The following NAB1 variants were observed in gnomAD, a reference collection of about 807,000 sequenced individuals.
NAB1 encodes NGFI-A binding protein 1, also known as NGFI-A-binding protein 1.
In NAB1, 25 loss-of-function variants were observed where a neutral mutation model predicts 49.9. That is an observed-to-expected ratio of 0.50 (90% confidence interval 0.37 to 0.70). The LOEUF is 0.70. Ranked by LOEUF, NAB1 falls within the 30% of genes least tolerant of loss-of-function variation. NAB1 has a pLI of 0.00. For missense variants in NAB1, 489 were observed against 575.9 expected, an observed-to-expected ratio of 0.85 and a Z score of 1.54; for synonymous variants, 198 against 215.6, an observed-to-expected ratio of 0.92 and a Z score of 0.71.
chr2:190,692,380 A>ACTAT lies in NAB1; in HGVS notation c.*2050_*2053dup, dbSNP rs1457306160. ...TTTAAATTCATAATAAGTTTCCTTA[A>ACTAT]CTATCTTATGTTTCTAGTCTTTCAA... On this transcript the variant is annotated 3_prime_UTR_variant, in exon 10 of 10. Transcript: ENST00000337386. This position sits in a 1 kb window ranked among gnomAD's most constrained non-coding sequence, Gnocchi z 5.2. 1 of 152,626 alleles carries ACTAT rather than the reference A, an allele frequency of 6.6e-6. No individual in the cohort carries two copies. The highest frequency in any genetic ancestry group is 6.5e-5 in the Admixed American group (1 of 15,272). 9.5% of individuals were successfully genotyped at this position (152,626 alleles called of 1,614,324 possible). A position where few individuals can be genotyped will look rare whatever the true frequency, so the allele number is the denominator to read the frequency against.
chr2:190,689,401 C>T lies in NAB1; in HGVS notation c.1376-844C>T, dbSNP rs79002095. On this transcript the variant is annotated intron_variant, in intron 9 of 9. Coordinates refer to ENST00000337386, the MANE Select transcript of NAB1 (RefSeq NM_005966.4). The surrounding 1 kb of genome is among the most constrained non-coding windows in gnomAD (Gnocchi z 4.3). Reference sequence around the variant, plus strand: ...GCTACTTTTTTTTACTACTCTTACGCGGAACTTAAAATCCCCTTCTGTTTA... The same window carrying T: ...GCTACTTTTTTTTACTACTCTTACGTGGAACTTAAAATCCCCTTCTGTTTA... Among the ~76,000 whole-genome samples, 1,122 of 152,196 alleles carry T rather than the reference C, an allele frequency of 7.4e-3. 37 individuals carry two copies. The highest frequency in any genetic ancestry group is 0.048 in the Admixed American group (741 of 15,286).
intron 4 of NAB1, among the ~76,000 whole-genome samples, chr2:190,661,674 T>C (rs1328310175): frequency 6.6e-6 from 1 of 152,208 alleles, no homozygotes; most frequent in Non-Finnish European, 1.5e-5. Flanking sequence ...GTACATATGA[T>C]ATTTAAGTGA....
At chr2:190,650,893 G>A (rs969166067) in intron 2 of NAB1, among the ~76,000 whole-genome samples, 9 of 152,114 alleles carry the variant, frequency 5.9e-5, no homozygotes, top group South Asian at 2.1e-4. Flanking sequence ...CCCTGATTTG[G>A]GTATTAGATA....
In NAB1 at chr2:190,652,949, G is replaced by A. The variant is rs1239882815; in HGVS notation, c.-197+2967G>A. 6.6e-6 allele frequency among the ~76,000 whole-genome samples: 1 copy of A among 152,194 alleles called. No individual in the cohort carries two copies. Among genetic ancestry groups the A allele is most frequent in the African/African-American group, 2.4e-5 (1 of 41,438 alleles). ...CCTGTGGTTGCATGCAGCCCAGGAG[G>A]GCTTTGAATACGGCCCAACACAAAT... On this transcript the variant is annotated intron_variant, in intron 2 of 9. Transcript: ENST00000337386. The surrounding 1 kb of genome is among the most constrained non-coding windows in gnomAD (Gnocchi z 4.2).
intron 4 of NAB1, among the ~76,000 whole-genome samples, chr2:190,664,470 G>A (rs1694388461): frequency 1.3e-5 from 2 of 150,878 alleles, no homozygotes; most frequent in South Asian, 4.2e-4. Flanking sequence ...AGCCTCCTGG[G>A]TAGCTGGGAC....
At chr2:190,664,586 C>CTTTTTTTTTTTTTTTTTTTTTTT (rs71027237) in intron 4 of NAB1, among the ~76,000 whole-genome samples, 1 of 61,092 alleles carries the variant, frequency 1.6e-5, no homozygotes, top group Non-Finnish European at 2.8e-5. Context: ...TTCTTCTTTC[C>CTTTTTTTTTTTTTTTTTTTTTTT]TTTTTTTTTT....
chr2:190,687,157 G>A (rs752590749), intron 8 of NAB1, 44 bp from the exon 9 acceptor site: 3 of 1,241,902 alleles, frequency 2.4e-6, no homozygotes, highest in Non-Finnish European at 3.3e-6. Flanking sequence ...AAAAACCATG[G>A]TATGTTTTTA....
Position 190,682,101 on chromosome 2 carries a change from C to A in NAB1, c.1006-1637C>A, listed in dbSNP as rs1396873909. The stretch of plus-strand genomic sequence containing the variant: ...GCAATAAACAGTCAAAAAAAGAAAA[C>A]CTTGAAAAAAGTAGGTGGAATACCA... On this transcript the variant is annotated intron_variant, in intron 6 of 9. Coordinates refer to ENST00000337386, the MANE Select transcript of NAB1 (RefSeq NM_005966.4). The surrounding 1 kb of genome is among the most constrained non-coding windows in gnomAD (Gnocchi z 4.1). 2.0e-5 allele frequency among the ~76,000 whole-genome samples: 3 copies of A among 151,886 alleles called. No homozygotes were observed. Among genetic ancestry groups the A allele is most frequent in the African/African-American group, 4.8e-5 (2 of 41,344 alleles).
At chr2:190,665,346 T>C (rs1379465383) in intron 4 of NAB1, among the ~76,000 whole-genome samples, 41 of 151,608 alleles carry the variant, frequency 2.7e-4, no homozygotes, top group Admixed American at 2.7e-3. Context: ...AAGTTAGTGG[T>C]TATTCTGCTA....
chr2:190,684,020 C>T lies in NAB1; in HGVS notation c.1095+193C>T, dbSNP rs531190721. Among the ~76,000 whole-genome samples, 30 of 152,234 alleles carry T rather than the reference C, an allele frequency of 2.0e-4. No homozygotes were observed. Among genetic ancestry groups the T allele is most frequent in the African/African-American group, 6.3e-4 (26 of 41,536 alleles). ...AACTTGGTTTGATTCAGTTTATGAA[C>T]GGAATCTGATATGGTGCTACTTATT... is the stretch of plus-strand genomic sequence containing the variant. On this transcript the variant is annotated intron_variant, in intron 7 of 9. Coordinates refer to ENST00000337386, the MANE Select transcript of NAB1 (RefSeq NM_005966.4). This position sits in a 1 kb window ranked among gnomAD's most constrained non-coding sequence, Gnocchi z 4.6.
In NAB1 at chr2:190,666,988, C is replaced by G. The variant is rs145827112; in HGVS notation, c.820-3338C>G. ...TTATTGATGTGTTCATTATTAGCAGCTAGGGAGCATGAAATCTAGGTAACT... is the reference window on the plus strand; with the variant it reads ...TTATTGATGTGTTCATTATTAGCAGGTAGGGAGCATGAAATCTAGGTAACT... On this transcript the variant is annotated intron_variant, in intron 4 of 9. Coordinates refer to ENST00000337386, the MANE Select transcript of NAB1 (RefSeq NM_005966.4). The surrounding 1 kb of genome is among the most constrained non-coding windows in gnomAD (Gnocchi z 5.6). Among the ~76,000 whole-genome samples the G allele has an allele frequency of 6.6e-6, 1 of 152,206 alleles. No individual in the cohort carries two copies. The highest frequency in any genetic ancestry group is 1.9e-4 in the East Asian group (1 of 5,180).
Position 190,651,660 on chromosome 2 carries a change from T to C in NAB1, c.-197+1678T>C, listed in dbSNP as rs1423223896. 1.3e-5 allele frequency among the ~76,000 whole-genome samples: 2 copies of C among 152,200 alleles called. No homozygotes were observed. Among genetic ancestry groups the C allele is most frequent in the Admixed American group, 1.3e-4 (2 of 15,284 alleles). On this transcript the variant is annotated intron_variant, in intron 2 of 9. Transcript: ENST00000337386. This position sits in a 1 kb window ranked among gnomAD's most constrained non-coding sequence, Gnocchi z 4.3. ...GCCTCCGAAGTTATGTCAGGTTTCA[T>C]TGGCCTAAGACTTAGGACTCATTTA...
In NAB1 at chr2:190,687,320, G is replaced by A. The variant is rs761890910; in HGVS notation, c.1375+3G>A. 3 of 1,519,270 alleles carry A rather than the reference G, an allele frequency of 2.0e-6. No individual in the cohort carries two copies. Among genetic ancestry groups the A allele is most frequent in the African/African-American group, 1.4e-5 (1 of 70,016 alleles). The allele number at this position is 1,519,270 out of a possible 1,614,324, so 94.1% of individuals were successfully genotyped here. The stretch of plus-strand genomic sequence containing the variant: ...TGAGGCAAAGTCCCACTCATCAGGT[G>A]AGAACGTGCTATATGATGAGAGGGT... On this transcript the variant is annotated splice_donor_region_variant and intron_variant, in intron 9 of 9. Transcript: ENST00000337386.
Position 190,691,681 on chromosome 2 carries a change from A to T in NAB1, c.*1348A>T, listed in dbSNP as rs1695938388. 1 of 152,202 alleles carries T rather than the reference A, an allele frequency of 6.6e-6. No homozygotes were observed. The highest frequency in any genetic ancestry group is 2.4e-5 in the African/African-American group (1 of 41,466). The allele number at this position is 152,202 out of a possible 1,614,324, so 9.4% of individuals were successfully genotyped here. A position where few individuals can be genotyped will look rare whatever the true frequency, so the allele number is the denominator to read the frequency against. Reference sequence around the variant, plus strand: ...CTGTTGGTTTAAGAGAAGATAACTGACAGCTTTACCTACTTCCTACAGATG... The same window carrying T: ...CTGTTGGTTTAAGAGAAGATAACTGTCAGCTTTACCTACTTCCTACAGATG... On this transcript the variant is annotated 3_prime_UTR_variant, in exon 10 of 10. Transcript: ENST00000337386. The surrounding 1 kb of genome is among the most constrained non-coding windows in gnomAD (Gnocchi z 4.1).
intron 4 of NAB1, among the ~76,000 whole-genome samples, chr2:190,661,442 C>G (rs944758889): frequency 6.6e-6 from 1 of 152,086 alleles, no homozygotes; most frequent in African/African-American, 2.4e-5. Flanking sequence ...TAGTTTCATG[C>G]TTTAACCTAG....
Position 190,685,396 on chromosome 2 carries a change from A to C in NAB1, c.1096-80A>C. ...AATGAATACTAAATATATTTGCTGG[A>C]GTCTGAAATTGGCATCTTTAAACCA... is the stretch of plus-strand genomic sequence containing the variant. On this transcript the variant is annotated intron_variant, in intron 7 of 9. Coordinates refer to ENST00000337386, the MANE Select transcript of NAB1 (RefSeq NM_005966.4). The surrounding 1 kb of genome is among the most constrained non-coding windows in gnomAD (Gnocchi z 4.5). The C allele has an allele frequency of 8.0e-7, 1 of 1,253,924 alleles. No individual in the cohort carries two copies. 77.7% of individuals were successfully genotyped at this position (1,253,924 alleles called of 1,614,324 possible).
At position 190,689,756 on chromosome 2, in the gene NAB1, T is replaced by G. The variant is rs1695822945; in HGVS notation, c.1376-489T>G. Among the ~76,000 whole-genome samples the G allele has an allele frequency of 6.6e-6, 1 of 152,096 alleles. No homozygotes were observed. The highest frequency in any genetic ancestry group is 1.5e-5 in the Non-Finnish European group (1 of 67,972). The stretch of plus-strand genomic sequence containing the variant: ...AAATAGTTCCAAGGTTATGAAGATA[T>G]TTTTCAGTCTGATTCCTTCATTGAT... On this transcript the variant is annotated intron_variant, in intron 9 of 9. Coordinates refer to ENST00000337386, the MANE Select transcript of NAB1 (RefSeq NM_005966.4). The surrounding 1 kb of genome is among the most constrained non-coding windows in gnomAD (Gnocchi z 4.3).
rs1024970469 is a variant in NAB1 at position 190,659,894 on chromosome 2, G to A, written c.718G>A (p.Asp240Asn). The change falls in exon 4 of 10, where the codon GAT (aspartate) becomes AAT (asparagine). Residue 240 changes from aspartate (D) to asparagine (N), a missense_variant. Asp to Asn is a conservative substitution (Grantham distance 23, BLOSUM62 1). Coordinates refer to ENST00000337386, the MANE Select transcript of NAB1 (RefSeq NM_005966.4). The surrounding 1 kb of genome is among the most constrained non-coding windows in gnomAD (Gnocchi z 6.2). ...KMIGHIFEMNDDDPHKEEEIR... is the reference protein window; with the variant it reads ...KMIGHIFEMNNDDPHKEEEIR... ...GATTGGTCACATCTTTGAGATGAACGATGATGATCCACACAAAGAGGAGGA... is the reference window on the plus strand; with the variant it reads ...GATTGGTCACATCTTTGAGATGAACAATGATGATCCACACAAAGAGGAGGA... The A allele has an allele frequency of 1.1e-5, 17 of 1,614,122 alleles. No homozygotes were observed. The highest frequency in any genetic ancestry group is 4.5e-5 in the East Asian group (2 of 44,876).
rs1695650959 is a variant in NAB1, at chr2:190,687,210, C to G, written c.1268C>G (p.Pro423Arg). ...SDNSDGQGER[P>R]LNLRMPNLQN... ...TTTTTCTTTTCATTAGGAGAAAGAC[C>G]TTTGAATCTCCGAATGCCTAATTTA... The change falls in exon 9 of 10, where the codon CCT becomes CGT. Residue 423 changes from proline to arginine, a missense_variant. Physicochemically the swap from Pro to Arg is moderately radical, Grantham distance 103 (BLOSUM62 -2). This residue lies in a region of NAB1 where 212 missense variants were observed against 199.3 expected (regional missense o/e 1.06). Coordinates refer to ENST00000337386, the MANE Select transcript of NAB1 (RefSeq NM_005966.4). 8.9e-6 allele frequency: 14 copies of G among 1,574,848 alleles called. No individual in the cohort carries two copies. Among genetic ancestry groups the G allele is most frequent in the East Asian group, 2.3e-5 (1 of 43,252 alleles).
Sources: allele counts gnomAD v4.1 joint callset (sites outside exome capture counted in the v4.1 genomes callset), GRCh38; gene constraint gnomAD v4.1.1; regional missense constraint gnomAD v4.1.1; non-coding constraint Gnocchi (gnomAD v3.1); transcripts MANE v1.5; gene names NCBI Gene and HGNC (gene_info 2026-07-23, HGNC 2026-07-21).